The following MLLT10 variants were observed in gnomAD, a reference collection of about 807,000 sequenced individuals.
MLLT10 encodes the protein protein AF-10.
MLLT10 carries 30 observed loss-of-function variants against 129.1 expected under a neutral mutation model. The ratio of observed to expected loss-of-function variants is 0.23; its 90% CI spans 0.17 to 0.32. The LOEUF (loss-of-function observed/expected upper bound fraction) is 0.32, where lower values mean the gene tolerates loss of function less well. Among genes scored for constraint, MLLT10 ranks in the 10% least tolerant of loss-of-function variants. The probability of loss-of-function intolerance (pLI) is 1.00; values close to 1 mark genes in which losing one functional copy is unlikely to be tolerated. For synonymous variants in MLLT10, 490 were observed against 446.4 expected, an observed-to-expected ratio of 1.10 and a Z score of -1.23; for missense variants, 1,119 against 1,268.3, an observed-to-expected ratio of 0.88 and a Z score of 1.79.
In MLLT10 at chr10:21,637,907, T is replaced by C. The variant is rs188169893; in HGVS notation, c.700-13766T>C. Among the ~76,000 whole-genome samples the C allele has an allele frequency of 2.0e-5, 3 of 152,312 alleles. No individual in the cohort carries two copies. In the East Asian group the frequency reaches 5.8e-4, roughly 29 times the overall value. On this transcript the variant is annotated intron_variant, in intron 8 of 22. Coordinates refer to ENST00000307729, the MANE Select transcript of MLLT10 (RefSeq NM_001195626.3). ...TAGCTTCCTGCTCTTACTAGCCTTT[T>C]TTCACTGGCCTTGCAGGGCTTTTGT... is the stretch of plus-strand genomic sequence containing the variant.
chr10:21,554,433 C>T (rs1048132278), intron 3 of MLLT10, among the ~76,000 whole-genome samples: 1 of 151,686 alleles, frequency 6.6e-6, no homozygotes, highest in African/African-American at 2.4e-5. Flanking sequence ...CGTGCCACTA[C>T]TCCTGGCCCT....
At chr10:21,651,903 CTTTTTTTT>C (rs775460288) in intron 9 of MLLT10, 135 bp downstream of exon 9, 20 of 133,762 alleles carry the variant, frequency 1.5e-4, no homozygotes, top group Middle Eastern at 3.3e-3. Flanking sequence ...ATTCTCATTT[CTTTTTTTT>C]TTTTTTTTTT....
At chr10:21,607,905 C>A (rs1375055327) in intron 5 of MLLT10, among the ~76,000 whole-genome samples, 1 of 151,696 alleles carries the variant, frequency 6.6e-6, no homozygotes, top group Non-Finnish European at 1.5e-5. Flanking sequence ...TTTGTCACAT[C>A]TGGAGCAAGA....
At chr10:21,610,984 C>CTTTTTTTTTTTTTTTTTTTTCTTT (rs2044572114) in intron 5 of MLLT10, among the ~76,000 whole-genome samples, 1 of 102,880 alleles carries the variant, frequency 9.7e-6, no homozygotes, top group Non-Finnish European at 1.9e-5. Flanking sequence ...TCTTTTTTCT[C>CTTTTTTTTTTTTTTTTTTTTCTTT]TTTTTTTTTT....
At chr10:21,727,200 A>G (rs1436105985) in intron 15 of MLLT10, among the ~76,000 whole-genome samples, 4 of 152,202 alleles carry the variant, frequency 2.6e-5, no homozygotes, top group African/African-American at 7.2e-5. Context: ...GGTGATTTTT[A>G]TAAGGAACTA....
intron 9 of MLLT10, among the ~76,000 whole-genome samples, chr10:21,654,427 GA>G (rs1310971057): frequency 6.6e-6 from 1 of 152,164 alleles, no homozygotes; most frequent in Non-Finnish European, 1.5e-5. Flanking sequence ...GGATTTTGGG[GA>G]AAATATCTTG....
chr10:21,631,799 C>T (rs11012758), intron 8 of MLLT10, among the ~76,000 whole-genome samples: 2 of 152,034 alleles, frequency 1.3e-5, no homozygotes, highest in Non-Finnish European at 2.9e-5. Context: ...GGTTCCCCCC[C>T]CAACACTTGC....
intron 3 of MLLT10, among the ~76,000 whole-genome samples, chr10:21,563,791 GTATTATTATTATTAT>G (rs34367086): frequency 2.1e-5 from 3 of 145,650 alleles, no homozygotes; most frequent in South Asian, 4.4e-4. Flanking sequence ...CTCACTGTGT[GTATTATTATTATTAT>G]TATTATTATT....
At chr10:21,544,940 G>GT (rs2035837399) in intron 3 of MLLT10, among the ~76,000 whole-genome samples, 1 of 152,222 alleles carries the variant, frequency 6.6e-6, no homozygotes, top group African/African-American at 2.4e-5. Context: ...GAGATCGGGA[G>GT]TTTGAGACCA....
At chr10:21,604,433 T>C (rs1803095199) in intron 5 of MLLT10, among the ~76,000 whole-genome samples, 1 of 151,964 alleles carries the variant, frequency 6.6e-6, no homozygotes, top group African/African-American at 2.4e-5. Flanking sequence ...CTACTAAAAA[T>C]GCAAAAATTA....
At chr10:21,595,624 C>T in intron 5 of MLLT10, 184 bp downstream of exon 5, 2 of 476,900 alleles carry the variant, frequency 4.2e-6, no homozygotes, top group East Asian at 3.0e-5. Context: ...GAGTACAAAG[C>T]AAGCAAAACT....
At chr10:21,702,664 C>T (rs908662893) in intron 13 of MLLT10, among the ~76,000 whole-genome samples, 4 of 151,482 alleles carry the variant, frequency 2.6e-5, no homozygotes, top group Non-Finnish European at 5.9e-5. Flanking sequence ...ATCCCTTTGT[C>T]GTTATATAAT....
chr10:21,549,122 C>CTT lies in MLLT10; in HGVS notation c.240+10228_240+10229dup, dbSNP rs5783779. Among the ~76,000 whole-genome samples, 182 of 130,378 alleles carry CTT rather than the reference C, an allele frequency of 1.4e-3. 1 individual carries two copies. The highest frequency in any genetic ancestry group is 5.4e-3 in the South Asian group (22 of 4,062). 85.5% of individuals were successfully genotyped at this position (130,378 alleles called of 152,430 possible). Reference sequence around the variant, plus strand: ...GTTTCTACAAGTCAGGAGCTTATTCCTTTTTTTTTTTTTTTTTTTAGACTT... The same window carrying CTT: ...GTTTCTACAAGTCAGGAGCTTATTCCTTTTTTTTTTTTTTTTTTTTTAGACTT... On this transcript the variant is annotated intron_variant, in intron 3 of 22. Transcript: ENST00000307729.
chr10:21,646,380 C>T (rs1218551032), intron 8 of MLLT10, among the ~76,000 whole-genome samples: 2 of 152,040 alleles, frequency 1.3e-5, no homozygotes, highest in Admixed American at 6.5e-5. Context: ...TTATTATAAA[C>T]GTTTCTCTCC....
At chr10:21,711,654 G>A (rs1433699418) in intron 13 of MLLT10, among the ~76,000 whole-genome samples, 1 of 151,954 alleles carries the variant, frequency 6.6e-6, no homozygotes, top group East Asian at 1.9e-4. Flanking sequence ...GCTGAGGCAG[G>A]AGGGTCGCTT....
chr10:21,621,903 A>G (rs2045899161), intron 8 of MLLT10, among the ~76,000 whole-genome samples: 1 of 152,208 alleles, frequency 6.6e-6, no homozygotes, highest in South Asian at 2.1e-4. Flanking sequence ...GTTATTTTAT[A>G]TTTAATATTA....
intron 3 of MLLT10, among the ~76,000 whole-genome samples, chr10:21,539,769 C>CA (rs1157101328): frequency 1.2e-3 from 182 of 150,234 alleles, no homozygotes; most frequent in African/African-American, 4.3e-3. Context: ...AACTCTGTCT[C>CA]AAAAAAAAGA....
chr10:21,665,811 C>G (rs1027464228), intron 9 of MLLT10, among the ~76,000 whole-genome samples: 1 of 152,012 alleles, frequency 6.6e-6, no homozygotes, highest in Non-Finnish European at 1.5e-5. Context: ...TCACGGCAAC[C>G]TCTGCCTCCT....
intron 3 of MLLT10, chr10:21,556,788 G>A (rs927996084): frequency 1.3e-6 from 2 of 1,590,288 alleles, no homozygotes; most frequent in African/African-American, 2.7e-5. Flanking sequence ...CATTGCTTTT[G>A]GGCTTGTCTT....
Sources: allele counts gnomAD v4.1 joint callset (sites outside exome capture counted in the v4.1 genomes callset), GRCh38; gene constraint gnomAD v4.1.1; transcripts MANE v1.5; gene names NCBI Gene and HGNC (gene_info 2026-07-23, HGNC 2026-07-21).